SLCO6A1: variants seen among roughly 807,000 people sequenced by gnomAD.
The protein encoded by SLCO6A1 is cancer/testis antigen 48.
In SLCO6A1, 65 loss-of-function variants were observed where a neutral mutation model predicts 72.7. The ratio of observed to expected loss-of-function variants is 0.89; its 90% confidence interval spans 0.73 to 1.10. The LOEUF is 1.10. Among genes scored for constraint, SLCO6A1 ranks in the 50% least tolerant of loss-of-function variants. The probability of loss-of-function intolerance (pLI) is 0.00; values close to 1 mark genes in which losing one functional copy is unlikely to be tolerated. For synonymous variants in SLCO6A1, 314 were observed against 298.2 expected (o/e 1.05, Z -0.55); for missense variants, 874 against 872.6 (o/e 1.00, Z -0.02).
intron 8 of SLCO6A1, among the ~76,000 whole-genome samples, chr5:102,418,306 G>A (rs939154100): frequency 6.6e-6 from 1 of 151,670 alleles, no homozygotes; most frequent in African/African-American, 2.4e-5. Flanking sequence ...ATGTGTTATG[G>A]TGTAATTTTT....
chr5:102,490,816 T>C (rs1008125297), intron 1 of SLCO6A1, among the ~76,000 whole-genome samples: 4 of 152,156 alleles, frequency 2.6e-5, no homozygotes, highest in Non-Finnish European at 4.4e-5. Flanking sequence ...CGGTGAGTGT[T>C]ACCGCTCATA....
chr5:102,399,505 A>T (rs1392202506), intron 10 of SLCO6A1, 50 bp downstream of exon 10: 6 of 1,146,404 alleles, frequency 5.2e-6, no homozygotes, highest in Non-Finnish European at 6.8e-6. Flanking sequence ...TTCCAAAATT[A>T]CTTTTCTTAT....
At chr5:102,440,587 G>C (rs975781983) in intron 6 of SLCO6A1, among the ~76,000 whole-genome samples, 1 of 151,958 alleles carries the variant, frequency 6.6e-6, no homozygotes, top group Non-Finnish European at 1.5e-5. Flanking sequence ...TAAAACCAGC[G>C]CCTCCATCCC....
intron 6 of SLCO6A1, among the ~76,000 whole-genome samples, chr5:102,457,810 T>G (rs1435408029): frequency 6.6e-6 from 1 of 152,202 alleles, no homozygotes; most frequent in Non-Finnish European, 1.5e-5. Flanking sequence ...CATGTATGTT[T>G]ACTGTGGCAC....
chr5:102,453,423 A>G lies in SLCO6A1; in HGVS notation c.1131+4959T>C, dbSNP rs189770414. ...AACATTCTTATAATAGTTTACATGA[A>G]GTCTTTGTTTACTACATCCAACACC... On this transcript the variant is annotated intron_variant, in intron 6 of 13. Coordinates refer to ENST00000506729, the MANE Select transcript of SLCO6A1 (RefSeq NM_173488.5). 2.0e-3 allele frequency among the ~76,000 whole-genome samples: 299 copies of G among 152,232 alleles called. 3 individuals are homozygous for G. Among genetic ancestry groups the G allele is most frequent in the African/African-American group, 7.0e-3 (289 of 41,554 alleles).
chr5:102,467,934 C>A (rs1179505857), intron 4 of SLCO6A1, among the ~76,000 whole-genome samples: 1 of 151,986 alleles, frequency 6.6e-6, no homozygotes, highest in African/African-American at 2.4e-5. Context: ...ATGGTCTAAT[C>A]ATGCTCTTTC....
At chr5:102,486,896 G>A (rs76999096) in intron 1 of SLCO6A1, among the ~76,000 whole-genome samples, 1 of 152,004 alleles carries the variant, frequency 6.6e-6, no homozygotes, top group Non-Finnish European at 1.5e-5. Context: ...TCAACAGAAT[G>A]AACTTCCAAA....
chr5:102,481,767 T>G (rs12332427), intron 1 of SLCO6A1, among the ~76,000 whole-genome samples: 1,996 of 152,294 alleles, frequency 0.013, 41 homozygotes, highest in African/African-American at 0.046. Flanking sequence ...AAAAGAGAGG[T>G]ACACAGTCTA....
intron 1 of SLCO6A1, among the ~76,000 whole-genome samples, chr5:102,493,662 C>A (rs547480771): frequency 6.6e-6 from 1 of 152,216 alleles, no homozygotes; most frequent in East Asian, 1.9e-4. Context: ...AAGTGACAAA[C>A]CGTAACAAAA....
In SLCO6A1 at chr5:102,494,316, A is replaced by G. The variant is rs1056037588; in HGVS notation, c.358+4171T>C. ...GAGACCTAAACATGAGAGCTAAACT[A>G]TAACACCTCTAGAAGAAAAGCAAAG... On this transcript the variant is annotated intron_variant, in intron 1 of 13. Transcript: ENST00000506729. 2.0e-5 allele frequency among the ~76,000 whole-genome samples: 3 copies of G among 152,308 alleles called. No individual in the cohort carries two copies. In the East Asian group the frequency reaches 5.8e-4, roughly 29 times the overall value.
At chr5:102,484,703 T>C (rs1186810877) in intron 1 of SLCO6A1, among the ~76,000 whole-genome samples, 3 of 152,128 alleles carry the variant, frequency 2.0e-5, no homozygotes, top group Admixed American at 6.5e-5. Context: ...TTTTATTACA[T>C]TGGTGAAGCT....
chr5:102,433,474 G>C (rs1168317162), intron 7 of SLCO6A1, among the ~76,000 whole-genome samples: 1 of 151,966 alleles, frequency 6.6e-6, no homozygotes, highest in African/African-American at 2.4e-5. Flanking sequence ...GGGTTTGCTT[G>C]TTGTATAAGG....
Position 102,455,316 on chromosome 5 carries a change from T to C in SLCO6A1, c.1131+3066A>G, listed in dbSNP as rs577264964. On this transcript the variant is annotated intron_variant, in intron 6 of 13. Coordinates refer to ENST00000506729, the MANE Select transcript of SLCO6A1 (RefSeq NM_173488.5). ...CTGTGAAAGATCTTCAAAGTCCTAT[T>C]AAAGGGTATGAAATTCATCTATCAA... 2.0e-5 allele frequency among the ~76,000 whole-genome samples: 3 copies of C among 152,112 alleles called. No individual in the cohort carries two copies. In the East Asian group the frequency reaches 5.8e-4, roughly 29 times the overall value.
chr5:102,436,509 G>C lies in SLCO6A1; in HGVS notation c.1276+2108C>G, dbSNP rs558156182. ...ACTTTGGACTCTGGGTATCAGAGAT[G>C]GTAGATGTCTGTCTTGGGCATTCTT... On this transcript the variant is annotated intron_variant, in intron 7 of 13. Transcript: ENST00000506729. Among the ~76,000 whole-genome samples the C allele has an allele frequency of 2.0e-5, 3 of 152,318 alleles. No homozygotes were observed. The East Asian group carries it at 5.8e-4, about 29-fold the overall frequency.
chr5:102,422,944 A>T (rs771179140), intron 7 of SLCO6A1, among the ~76,000 whole-genome samples: 2 of 152,216 alleles, frequency 1.3e-5, no homozygotes, highest in Non-Finnish European at 2.9e-5. Context: ...AAACCCTACA[A>T]GCCAGAAGAT....
At chr5:102,429,768 G>T (rs1749114484) in intron 7 of SLCO6A1, among the ~76,000 whole-genome samples, 1 of 152,074 alleles carries the variant, frequency 6.6e-6, no homozygotes, top group Non-Finnish European at 1.5e-5. Flanking sequence ...TTTTGCTTAG[G>T]ATTGTCTTGG....
intron 11 of SLCO6A1, among the ~76,000 whole-genome samples, chr5:102,390,006 A>G (rs1389766404): frequency 6.6e-6 from 1 of 152,102 alleles, no homozygotes; most frequent in East Asian, 1.9e-4. Context: ...AGCCTCCCCA[A>G]GTGCTGGGAT....
chr5:102,472,920 C>G (rs1330294505), intron 4 of SLCO6A1, among the ~76,000 whole-genome samples: 3 of 151,942 alleles, frequency 2.0e-5, no homozygotes, highest in Non-Finnish European at 4.4e-5. Flanking sequence ...CCTACCAACA[C>G]TAAATGATGA....
chr5:102,476,488 A>C (rs981437851), intron 3 of SLCO6A1, among the ~76,000 whole-genome samples: 2 of 152,144 alleles, frequency 1.3e-5, no homozygotes, highest in African/African-American at 4.8e-5. Context: ...GTTTTGCTCA[A>C]AATCTGCTGA....
Sources: gnomAD v4.1 joint callset for allele counts (sites outside exome capture counted in the v4.1 genomes callset) on GRCh38, gnomAD v4.1.1 for gene constraint, MANE v1.5 for transcripts, NCBI Gene and HGNC (gene_info 2026-07-23, HGNC 2026-07-21) for gene names.